STAT4: variants seen among roughly 807,000 people sequenced by gnomAD.
STAT4 encodes signal transducer and activator of transcription 4.
In STAT4, 42 loss-of-function variants were observed where a neutral mutation model predicts 110.5. The observed-to-expected ratio is 0.38, with a 90% confidence interval of 0.30 to 0.49. The LOEUF is 0.49. Among genes scored for constraint, STAT4 ranks in the 20% least tolerant of loss-of-function variants. The pLI is 0.95. For missense variants in STAT4, 632 were observed against 887.9 expected, an observed-to-expected ratio of 0.71 and a Z score of 3.66; for synonymous variants, 284 against 302.2, an observed-to-expected ratio of 0.94 and a Z score of 0.63.
At position 191,058,264 on chromosome 2, in the gene STAT4, C is replaced by T. The variant is rs1300585963; in HGVS notation, c.1095-45G>A. 1.3e-6 allele frequency: 2 copies of T among 1,507,888 alleles called. No homozygotes were observed. 93.4% of individuals were successfully genotyped at this position (1,507,888 alleles called of 1,614,324 possible). ...CTTTAAAACAAGCTATTTAATAGAT[C>T]TAGGAATAACTTTCTATGATAGTTT... On this transcript the variant is annotated intron_variant, in intron 11 of 23. Coordinates refer to ENST00000392320, the MANE Select transcript of STAT4 (RefSeq NM_003151.4). The surrounding 1 kb of genome is among the most constrained non-coding windows in gnomAD (Gnocchi z 4.3).
chr2:191,126,800 C>T (rs1218451157), intron 3 of STAT4, among the ~76,000 whole-genome samples: 1 of 152,130 alleles, frequency 6.6e-6, no homozygotes, highest in African/African-American at 2.4e-5. Flanking sequence ...AAATAGTTTC[C>T]CCTCACCTTG....
chr2:191,114,913 T>C (rs1045777390), intron 3 of STAT4, among the ~76,000 whole-genome samples: 1 of 152,216 alleles, frequency 6.6e-6, no homozygotes, highest in African/African-American at 2.4e-5. Flanking sequence ...CAGACTTTTA[T>C]GTGTTGTCAT....
In STAT4 at chr2:191,058,041, G is replaced by A; in HGVS notation, c.1183C>T (p.Leu395Phe). 1 of 1,613,992 alleles carries A rather than the reference G, an allele frequency of 6.2e-7. No individual in the cohort carries two copies. Among genetic ancestry groups the A allele is most frequent in the African/African-American group, 1.3e-5 (1 of 75,046 alleles). Residue 395 changes from leucine (L) to phenylalanine (F), a missense_variant, in exon 13 of 24, where the codon CTC becomes TTC. Physicochemically the swap from Leu to Phe is conservative, Grantham distance 22 (BLOSUM62 0). Transcript: ENST00000392320. This position sits in a 1 kb window ranked among gnomAD's most constrained non-coding sequence, Gnocchi z 4.3. ...MSIEESSNGS[L>F]SVEFRHLQPK... ...ACCAAATGTCGAAATTCTACTGAGAGACTCCCATTGGAAGATTCTTCAATA... is the reference window on the plus strand; with the variant it reads ...ACCAAATGTCGAAATTCTACTGAGAAACTCCCATTGGAAGATTCTTCAATA...
intron 6 of STAT4, 85 bp downstream of exon 6, chr2:191,069,608 A>C (rs1316765147): frequency 9.3e-7 from 1 of 1,071,160 alleles, no homozygotes; most frequent in Non-Finnish European, 1.4e-6. Flanking sequence ...AAGTAGATCA[A>C]ATTTATCCAC....
At chr2:191,131,370 A>G (rs1205945868) in intron 3 of STAT4, 2 of 152,370 alleles carry the variant, frequency 1.3e-5, no homozygotes, top group Admixed American at 6.5e-5. Flanking sequence ...ACAATGGTAT[A>G]CTATGCAGCA....
At chr2:191,034,355 A>G (rs541375615) in intron 18 of STAT4, among the ~76,000 whole-genome samples, 193 bp downstream of exon 18, 11 of 151,652 alleles carry the variant, frequency 7.3e-5, no homozygotes, top group East Asian at 1.9e-4. Flanking sequence ...CCCGGGAGGC[A>G]GAGCTTGCAG....
intron 5 of STAT4, among the ~76,000 whole-genome samples, chr2:191,070,479 T>G (rs114580459): frequency 7.9e-4 from 121 of 152,244 alleles, no homozygotes; most frequent in African/African-American, 2.8e-3. Context: ...GTCACTCAGG[T>G]GCTCAGTGAG....
rs537325160 is a variant in STAT4 at position 191,043,025 on chromosome 2, C to T, written c.1252-1877G>A. On this transcript the variant is annotated intron_variant, in intron 14 of 23. Transcript: ENST00000392320. This position sits in a 1 kb window ranked among gnomAD's most constrained non-coding sequence, Gnocchi z 4.8. ...AACTCCCGACCTCAGGTGATCCACC[C>T]GCCTTGGCCTCCCAAAGTGCTGGGA... 3.9e-5 allele frequency among the ~76,000 whole-genome samples: 6 copies of T among 152,292 alleles called. No individual in the cohort carries two copies. The South Asian group carries it at 6.2e-4, about 16-fold the overall frequency.
At chr2:191,092,014 A>G (rs1382419080) in intron 3 of STAT4, among the ~76,000 whole-genome samples, 1 of 152,232 alleles carries the variant, frequency 6.6e-6, no homozygotes, top group East Asian at 1.9e-4. Context: ...ATGTATGAAA[A>G]GATGGTTTTT....
chr2:191,035,632 C>G lies in STAT4; in HGVS notation c.1570+532G>C, dbSNP rs1319112990. Reference sequence around the variant, plus strand: ...TTTTGCAAACTTTAGAAATCTCAGTCAAAGCTGAAACTTTCTTGGTATGCA... The same window carrying G: ...TTTTGCAAACTTTAGAAATCTCAGTGAAAGCTGAAACTTTCTTGGTATGCA... On this transcript the variant is annotated intron_variant, in intron 17 of 23. Transcript: ENST00000392320. The surrounding 1 kb of genome is among the most constrained non-coding windows in gnomAD (Gnocchi z 4.7). Among the ~76,000 whole-genome samples the G allele has an allele frequency of 6.6e-6, 1 of 152,192 alleles. No homozygotes were observed. Among genetic ancestry groups the G allele is most frequent in the Non-Finnish European group, 1.5e-5 (1 of 68,028 alleles).
chr2:191,034,656 G>C, intron 17 of STAT4, 59 bp from the exon 18 acceptor site: 1 of 1,272,408 alleles, frequency 7.9e-7, no homozygotes, highest in Non-Finnish European at 1.2e-6. Context: ...TCAATTTTGT[G>C]CTCAATTTAG....
At chr2:191,136,883 A>G (rs555156472) in intron 3 of STAT4, among the ~76,000 whole-genome samples, 3 of 152,250 alleles carry the variant, frequency 2.0e-5, no homozygotes, top group African/African-American at 7.2e-5. Context: ...AAATTAACAT[A>G]CAAAAATCAG....
chr2:191,144,280 C>G lies in STAT4; in HGVS notation c.273+2333G>C, dbSNP rs1345682493. 2.6e-5 allele frequency among the ~76,000 whole-genome samples: 4 copies of G among 152,000 alleles called. No homozygotes were observed. Among genetic ancestry groups the G allele is most frequent in the African/African-American group, 9.7e-5 (4 of 41,384 alleles). The stretch of plus-strand genomic sequence containing the variant: ...TTGCTGGAGGGCTGGAGGATGAGAA[C>G]ACAGACTAAAGCATGTGGTGAAGGT... On this transcript the variant is annotated intron_variant, in intron 3 of 23. Transcript: ENST00000392320. This position sits in a 1 kb window ranked among gnomAD's most constrained non-coding sequence, Gnocchi z 4.7.
At chr2:191,137,550 T>C (rs1180601959) in intron 3 of STAT4, among the ~76,000 whole-genome samples, 1 of 152,086 alleles carries the variant, frequency 6.6e-6, no homozygotes, top group Middle Eastern at 3.2e-3. Flanking sequence ...AAAAAGAGCC[T>C]GAAGAGCCAA....
chr2:191,030,868 G>T lies in STAT4; in HGVS notation c.2220+104C>A. ...CTCATGAATTTGTTCCAATAAATGT[G>T]TTTTCTCCCTACCCAGGCAGTATTT... On this transcript the variant is annotated intron_variant, in intron 23 of 23. Coordinates refer to ENST00000392320, the MANE Select transcript of STAT4 (RefSeq NM_003151.4). This position sits in a 1 kb window ranked among gnomAD's most constrained non-coding sequence, Gnocchi z 4.4. 2 of 1,032,024 alleles carry T rather than the reference G, an allele frequency of 1.9e-6. No homozygotes were observed. Among genetic ancestry groups the T allele is most frequent in the Non-Finnish European group, 3.0e-6 (2 of 672,006 alleles). The allele number at this position is 1,032,024 out of a possible 1,614,324, so 63.9% of individuals were successfully genotyped here.
intron 4 of STAT4, among the ~76,000 whole-genome samples, chr2:191,075,685 T>C (rs1437806358): frequency 6.6e-6 from 1 of 152,004 alleles, no homozygotes; most frequent in Non-Finnish European, 1.5e-5. Flanking sequence ...TGGAAAGACA[T>C]GGTAATTGTC....
intron 4 of STAT4, among the ~76,000 whole-genome samples, chr2:191,074,537 A>T (rs1451289123): frequency 6.6e-6 from 1 of 152,180 alleles, no homozygotes; most frequent in African/African-American, 2.4e-5. Context: ...TCAAACAAAC[A>T]TTTTGACTGA....
rs1697515354 is a variant in STAT4, at chr2:191,082,635, T to C, written c.274-6310A>G. Among the ~76,000 whole-genome samples, 1 of 152,248 alleles carries C rather than the reference T, an allele frequency of 6.6e-6. No individual in the cohort carries two copies. The highest frequency in any genetic ancestry group is 1.9e-4 in the East Asian group (1 of 5,204). ...ATGCTATTTATTCTTTTTGCTACTTTATGCTAAATTTCTTGGCTTTCCTTC... is the reference window on the plus strand; with the variant it reads ...ATGCTATTTATTCTTTTTGCTACTTCATGCTAAATTTCTTGGCTTTCCTTC... On this transcript the variant is annotated intron_variant, in intron 3 of 23. Coordinates refer to ENST00000392320, the MANE Select transcript of STAT4 (RefSeq NM_003151.4). The surrounding 1 kb of genome is among the most constrained non-coding windows in gnomAD (Gnocchi z 4.7).
Position 191,059,508 on chromosome 2 carries a change from C to T in STAT4, c.1035-739G>A, listed in dbSNP as rs1696792332. 6.6e-6 allele frequency among the ~76,000 whole-genome samples: 1 copy of T among 152,164 alleles called. No homozygotes were observed. Among genetic ancestry groups the T allele is most frequent in the African/African-American group, 2.4e-5 (1 of 41,432 alleles). ...TTCATTCATTTACTCATGCCCTCAT[C>T]CTAAACTTTGCTCATTCACTCAGCA... On this transcript the variant is annotated intron_variant, in intron 10 of 23. Transcript: ENST00000392320. The surrounding 1 kb of genome is among the most constrained non-coding windows in gnomAD (Gnocchi z 4.7).
Sources: gnomAD v4.1 joint callset for allele counts (sites outside exome capture counted in the v4.1 genomes callset) on GRCh38, gnomAD v4.1.1 for gene constraint, Gnocchi (gnomAD v3.1) non-coding constraint, MANE v1.5 for transcripts, NCBI Gene and HGNC (gene_info 2026-07-23, HGNC 2026-07-21) for gene names.